The following CMIP variants were observed in gnomAD, a reference collection of about 807,000 sequenced individuals.
The protein encoded by CMIP is C-Maf-inducing protein.
Under a neutral mutation model 97.3 loss-of-function variants are expected in CMIP, and 13 were observed. That is an observed-to-expected ratio of 0.13 (90% CI 0.09 to 0.21). CMIP has a LOEUF of 0.21. Ranked by LOEUF, CMIP falls within the 10% of genes least tolerant of loss-of-function variation. The pLI, the probability that CMIP is intolerant of heterozygous loss-of-function variation, is 1.00. For missense variants in CMIP, 847 were observed against 1,024.9 expected (o/e 0.83, Z 2.37); for synonymous variants, 538 against 436.3 (o/e 1.23, Z -2.91).
intron 1 of CMIP, among the ~76,000 whole-genome samples, chr16:81,503,571 A>AT (rs1297833374): frequency 6.6e-6 from 1 of 151,946 alleles, no homozygotes; most frequent in African/African-American, 2.4e-5. Flanking sequence ...TAATTTTTAA[A>AT]TTTTTTTGTA....
intron 1 of CMIP, among the ~76,000 whole-genome samples, chr16:81,495,814 T>C (rs2966090): frequency 0.4 from 60,065 of 152,028 alleles, 12,083 homozygotes; most frequent in African/African-American, 0.47. Flanking sequence ...TGGCCTCCCT[T>C]AGTGACTTGG....
At chr16:81,499,686 T>C (rs1459629676) in intron 1 of CMIP, among the ~76,000 whole-genome samples, 1 of 152,202 alleles carries the variant, frequency 6.6e-6, no homozygotes, top group East Asian at 1.9e-4. Flanking sequence ...CAGAGGTGGC[T>C]CCCCAAAGGC....
At chr16:81,513,475 CG>C (rs1190612415) in intron 1 of CMIP, among the ~76,000 whole-genome samples, 3 of 152,222 alleles carry the variant, frequency 2.0e-5, no homozygotes, top group African/African-American at 4.8e-5. Flanking sequence ...CTTTCCACCC[CG>C]GGATTCTCCA....
chr16:81,481,950 C>T (rs191073785), intron 1 of CMIP, among the ~76,000 whole-genome samples: 1 of 150,718 alleles, frequency 6.6e-6, no homozygotes, highest in African/African-American at 2.5e-5. Context: ...GCAATCTTGG[C>T]TCACTGCAAC....
intron 1 of CMIP, among the ~76,000 whole-genome samples, chr16:81,574,043 G>A (rs2091144882): frequency 6.6e-6 from 1 of 152,172 alleles, no homozygotes; most frequent in Non-Finnish European, 1.5e-5. Flanking sequence ...AGCCACGTGT[G>A]CCTGTTCTAT....
intron 1 of CMIP, among the ~76,000 whole-genome samples, chr16:81,491,832 T>C (rs1490057193): frequency 6.6e-6 from 1 of 152,232 alleles, no homozygotes; most frequent in Non-Finnish European, 1.5e-5. Context: ...CACATACTTT[T>C]ATGTCATTAC....
At chr16:81,536,239 C>A (rs1447227495) in intron 1 of CMIP, among the ~76,000 whole-genome samples, 1 of 152,108 alleles carries the variant, frequency 6.6e-6, no homozygotes, top group Non-Finnish European at 1.5e-5. Flanking sequence ...TGACCTGGAA[C>A]TTGTTGTGAG....
chr16:81,636,113 T>A (rs1235106909), intron 3 of CMIP, among the ~76,000 whole-genome samples: 3 of 152,046 alleles, frequency 2.0e-5, no homozygotes, highest in African/African-American at 7.3e-5. Flanking sequence ...GGGTTGTGGG[T>A]GTGTGTGTGC....
chr16:81,554,296 A>G (rs1046677924), intron 1 of CMIP, among the ~76,000 whole-genome samples: 5 of 152,232 alleles, frequency 3.3e-5, no homozygotes, highest in African/African-American at 1.2e-4. Context: ...AGGCACTTTA[A>G]CCTGTTATTC....
chr16:81,565,539 C>A (rs1032844236), intron 1 of CMIP, among the ~76,000 whole-genome samples: 1 of 152,214 alleles, frequency 6.6e-6, no homozygotes, highest in Admixed American at 6.5e-5. Context: ...GTCTTCACAT[C>A]CCCCAGAAGG....
At chr16:81,657,598 CT>C (rs1197577030) in intron 4 of CMIP, among the ~76,000 whole-genome samples, 176 bp from the exon 5 acceptor site, 1 of 152,220 alleles carries the variant, frequency 6.6e-6, no homozygotes, top group East Asian at 1.9e-4. Flanking sequence ...CCTTCTCCCC[CT>C]TCCCGACCTT....
At chr16:81,543,164 G>A (rs1420888477) in intron 1 of CMIP, among the ~76,000 whole-genome samples, 3 of 152,162 alleles carry the variant, frequency 2.0e-5, no homozygotes, top group Non-Finnish European at 4.4e-5. Flanking sequence ...AAGTTGCTTC[G>A]CTCCAGGTGA....
At chr16:81,541,662 A>C (rs930836958) in intron 1 of CMIP, among the ~76,000 whole-genome samples, 2 of 152,216 alleles carry the variant, frequency 1.3e-5, no homozygotes, top group African/African-American at 4.8e-5. Flanking sequence ...ATGCTTAAGA[A>C]AGTCTCAGTG....
intron 1 of CMIP, among the ~76,000 whole-genome samples, chr16:81,544,497 G>GC (rs755785777): frequency 6.6e-5 from 10 of 151,620 alleles, no homozygotes; most frequent in Non-Finnish European, 1.3e-4. Context: ...CAAACAGCCT[G>GC]CCGCTGACCT....
rs908127149 is a variant in CMIP, at chr16:81,453,214, A to G, written c.300+7673A>G. 3.9e-5 allele frequency among the ~76,000 whole-genome samples: 6 copies of G among 152,198 alleles called. No individual in the cohort carries two copies. The highest frequency in any genetic ancestry group is 7.3e-5 in the Non-Finnish European group (5 of 68,038). ...TTTGTTCGTGGCTCTACTGCTTTCA[A>G]GCTACTGTCAGAAATGGTAGGGTGG... is the stretch of plus-strand genomic sequence containing the variant. On this transcript the variant is annotated intron_variant, in intron 1 of 20. Transcript: ENST00000537098. This position sits in a 1 kb window ranked among gnomAD's most constrained non-coding sequence, Gnocchi z 4.0.
chr16:81,632,590 G>A (rs549174316), intron 3 of CMIP, among the ~76,000 whole-genome samples: 17 of 152,316 alleles, frequency 1.1e-4, no homozygotes, highest in African/African-American at 4.1e-4. Context: ...GTTTCTGACA[G>A]GAAGGAGAGG....
At chr16:81,702,532 T>C in intron 16 of CMIP, 90 bp from the exon 17 acceptor site, 1 of 1,290,764 alleles carries the variant, frequency 7.7e-7, no homozygotes. Flanking sequence ...AAAATAACGA[T>C]GGCTCCATGA....
intron 1 of CMIP, among the ~76,000 whole-genome samples, chr16:81,465,351 G>A (rs1305137225): frequency 6.6e-6 from 1 of 152,208 alleles, no homozygotes; most frequent in East Asian, 1.9e-4. Flanking sequence ...CTGAGGCCCT[G>A]CTGTGGAGGG....
intron 1 of CMIP, among the ~76,000 whole-genome samples, chr16:81,497,967 T>C (rs1027668352): frequency 3.3e-5 from 5 of 152,268 alleles, no homozygotes; most frequent in Non-Finnish European, 7.3e-5. Flanking sequence ...GCTTCCCTTA[T>C]TTTATTCCTC....
Sources: gnomAD v4.1 joint callset for allele counts (sites outside exome capture counted in the v4.1 genomes callset) on GRCh38, gnomAD v4.1.1 for gene constraint, Gnocchi (gnomAD v3.1) non-coding constraint, MANE v1.5 for transcripts, NCBI Gene and HGNC (gene_info 2026-07-23, HGNC 2026-07-21) for gene names.